SDR42E1: variants seen among roughly 807,000 people sequenced by gnomAD.
SDR42E1 encodes short-chain dehydrogenase/reductase family 42E member 1.
Under a neutral mutation model 2.6 loss-of-function variants are expected in SDR42E1, and 5 were observed. The ratio of observed to expected loss-of-function variants is 1.94; its 90% confidence interval spans 1.01 to 4.08. The LOEUF is 4.08. Ranked by LOEUF, SDR42E1 falls within the 30% of genes most tolerant of loss-of-function variation. The probability of loss-of-function intolerance (pLI) is 0.00; values close to 1 mark genes in which losing one functional copy is unlikely to be tolerated. For missense variants in SDR42E1, 596 were observed against 478.6 expected, an observed-to-expected ratio of 1.25 and a Z score of -2.29; for synonymous variants, 231 against 188.3, an observed-to-expected ratio of 1.23 and a Z score of -1.86.
At position 81,989,350 on chromosome 16, in the gene SDR42E1, T is replaced by C. The variant is rs1162973976; in HGVS notation, c.*9761A>G. On this transcript the variant is annotated 3_prime_UTR_variant, in exon 3 of 3. Coordinates refer to ENST00000328945, the MANE Select transcript of SDR42E1 (RefSeq NM_145168.3). ...ATGAACACCACAGCCCTGTTTTCTA[T>C]ACAAATATATACATATATGAAATTT... The C allele has an allele frequency of 6.6e-6, 1 of 152,238 alleles. No homozygotes were observed. Among genetic ancestry groups the C allele is most frequent in the African/African-American group, 2.4e-5 (1 of 41,464 alleles). The allele number at this position is 152,238 out of a possible 1,614,324, so 9.4% of individuals were successfully genotyped here.
intron 1 of SDR42E1, among the ~76,000 whole-genome samples, chr16:82,010,192 G>A (rs932029975): frequency 1.3e-5 from 2 of 152,200 alleles, no homozygotes; most frequent in Non-Finnish European, 2.9e-5. Flanking sequence ...AATACAGGTA[G>A]TTTAAAGGTT....
chr16:82,005,193 C>T (rs886359255), intron 1 of SDR42E1, among the ~76,000 whole-genome samples: 3 of 152,250 alleles, frequency 2.0e-5, no homozygotes, highest in South Asian at 2.1e-4. Context: ...GGTTCATGTG[C>T]ACATTAATCA....
Position 81,988,893 on chromosome 16 carries a change from G to A in SDR42E1, c.*10218C>T, listed in dbSNP as rs943139101. On this transcript the variant is annotated 3_prime_UTR_variant, in exon 3 of 3. Coordinates refer to ENST00000328945, the MANE Select transcript of SDR42E1 (RefSeq NM_145168.3). ...ATTTTTTATTAATATTTCAATGTTG[G>A]TAGAATACTGCTACATACCCAGAAT... is the stretch of plus-strand genomic sequence containing the variant. 3 of 152,092 alleles carry A rather than the reference G, an allele frequency of 2.0e-5. No individual in the cohort carries two copies. Among genetic ancestry groups the A allele is most frequent in the Non-Finnish European group, 4.4e-5 (3 of 68,008 alleles). 9.4% of individuals were successfully genotyped at this position (152,092 alleles called of 1,614,324 possible).
chr16:81,993,680 C>T lies in SDR42E1; in HGVS notation c.*5431G>A, dbSNP rs547187238. On this transcript the variant is annotated 3_prime_UTR_variant, in exon 3 of 3. Coordinates refer to ENST00000328945, the MANE Select transcript of SDR42E1 (RefSeq NM_145168.3). ...CCACCTGGCTGATAAGTGCATTCAC[C>T]CCGTCAACAAGCATTTATTGGGCAT... The T allele has an allele frequency of 5.9e-5, 9 of 152,122 alleles. No homozygotes were observed. The highest frequency in any genetic ancestry group is 2.2e-4 in the African/African-American group (9 of 41,496). The allele number at this position is 152,122 out of a possible 1,614,324, so 9.4% of individuals were successfully genotyped here.
rs1274550011 is a variant in SDR42E1, at chr16:81,998,001, G to C, written c.*1110C>G. The C allele has an allele frequency of 6.6e-6, 1 of 152,210 alleles. No homozygotes were observed. Among genetic ancestry groups the C allele is most frequent in the East Asian group, 1.9e-4 (1 of 5,204 alleles). The allele number at this position is 152,210 out of a possible 1,614,324, so 9.4% of individuals were successfully genotyped here. A position where few individuals can be genotyped will look rare whatever the true frequency, so the allele number is the denominator to read the frequency against. On this transcript the variant is annotated 3_prime_UTR_variant, in exon 3 of 3. Transcript: ENST00000328945. ...ATGTTCCCATACTATCCTTTCTGTAGCTGGAGCCATGGACAGACATGGACT... is the reference window on the plus strand; with the variant it reads ...ATGTTCCCATACTATCCTTTCTGTACCTGGAGCCATGGACAGACATGGACT...
Position 81,989,786 on chromosome 16 carries a change from T to A in SDR42E1, c.*9325A>T, listed in dbSNP as rs995012363. 6.6e-6 allele frequency: 1 copy of A among 152,034 alleles called. No individual in the cohort carries two copies. Among genetic ancestry groups the A allele is most frequent in the Non-Finnish European group, 1.5e-5 (1 of 68,018 alleles). The allele number at this position is 152,034 out of a possible 1,614,324, so 9.4% of individuals were successfully genotyped here. On this transcript the variant is annotated 3_prime_UTR_variant, in exon 3 of 3. Coordinates refer to ENST00000328945, the MANE Select transcript of SDR42E1 (RefSeq NM_145168.3). ...GCCGAGGTGGGTGGATCACCTGAGC[T>A]CAGGAGTTCGATACCATCACGGCTG...
At position 82,000,689 on chromosome 16, in the gene SDR42E1, C is replaced by G; in HGVS notation, c.68+102G>C. The G allele has an allele frequency of 5.9e-6, 5 of 848,054 alleles. No individual in the cohort carries two copies. The South Asian group carries it at 7.8e-5, about 13-fold the overall frequency. 52.5% of individuals were successfully genotyped at this position (848,054 alleles called of 1,614,324 possible). On this transcript the variant is annotated intron_variant, in intron 2 of 2. Coordinates refer to ENST00000328945, the MANE Select transcript of SDR42E1 (RefSeq NM_145168.3). ...GCAACACAGATCATTTCTGGTTTGACATTACACAAACAAGTAAAAGTCTGC... is the reference window on the plus strand; with the variant it reads ...GCAACACAGATCATTTCTGGTTTGAGATTACACAAACAAGTAAAAGTCTGC...
chr16:81,993,898 A>G lies in SDR42E1; in HGVS notation c.*5213T>C, dbSNP rs1371752170. ...AATTCAAATAAACATGATTCTAGAAAAGGAAATCAATCTCATTTTTTAAGA... is the reference window on the plus strand; with the variant it reads ...AATTCAAATAAACATGATTCTAGAAGAGGAAATCAATCTCATTTTTTAAGA... On this transcript the variant is annotated 3_prime_UTR_variant, in exon 3 of 3. Coordinates refer to ENST00000328945, the MANE Select transcript of SDR42E1 (RefSeq NM_145168.3). The G allele has an allele frequency of 1.3e-5, 2 of 152,196 alleles. No individual in the cohort carries two copies. The highest frequency in any genetic ancestry group is 1.3e-4 in the Admixed American group (2 of 15,276). 9.4% of individuals were successfully genotyped at this position (152,196 alleles called of 1,614,324 possible). A position where few individuals can be genotyped will look rare whatever the true frequency, so the allele number is the denominator to read the frequency against.
Position 82,002,255 on chromosome 16 carries a change from A to G in SDR42E1, c.-26-1371T>C, listed in dbSNP as rs528635808. Among the ~76,000 whole-genome samples the G allele has an allele frequency of 8.3e-4, 126 of 152,268 alleles. 1 individual carries two copies. Among genetic ancestry groups the G allele is most frequent in the African/African-American group, 2.8e-3 (116 of 41,552 alleles). On this transcript the variant is annotated intron_variant, in intron 1 of 2. Coordinates refer to ENST00000328945, the MANE Select transcript of SDR42E1 (RefSeq NM_145168.3). ...GTCAGTGTACATGCACAAAGAAAGA[A>G]AAAATATGGGGGACAGGAATACACA...
intron 1 of SDR42E1, among the ~76,000 whole-genome samples, chr16:82,002,496 G>A (rs566861344): frequency 6.6e-5 from 10 of 152,284 alleles, no homozygotes; most frequent in African/African-American, 2.2e-4. Flanking sequence ...AGTGCTTTAT[G>A]TGTATGTTAG....
intron 1 of SDR42E1, 114 bp downstream of exon 1, chr16:82,011,273 A>G (rs1324543345): frequency 3.3e-5 from 5 of 152,210 alleles, no homozygotes; most frequent in African/African-American, 9.7e-5. Flanking sequence ...CTGCTCAGTC[A>G]TTCACCACCG....
chr16:82,010,789 C>T (rs913621349), intron 1 of SDR42E1, among the ~76,000 whole-genome samples: 2 of 152,160 alleles, frequency 1.3e-5, no homozygotes, highest in African/African-American at 2.4e-5. Flanking sequence ...GTCAGGACCG[C>T]CTGAGGCTGT....
rs1156896915 is a variant in SDR42E1 at position 82,011,428 on chromosome 16, G to A, written c.-68C>T. The A allele has an allele frequency of 6.6e-6, 1 of 152,554 alleles. No homozygotes were observed. Among genetic ancestry groups the A allele is most frequent in the Non-Finnish European group, 1.5e-5 (1 of 68,326 alleles). The allele number at this position is 152,554 out of a possible 1,614,324, so 9.5% of individuals were successfully genotyped here. On this transcript the variant is annotated 5_prime_UTR_variant, in exon 1 of 3. Transcript: ENST00000328945. ...GCGCGGCAGACGGCTACAGCAGGCA[G>A]AGAGGCCCAGGCCTCCTAGCTACCC... is the stretch of plus-strand genomic sequence containing the variant.
chr16:82,002,630 G>A (rs998367377), intron 1 of SDR42E1, among the ~76,000 whole-genome samples: 2 of 152,090 alleles, frequency 1.3e-5, no homozygotes, highest in Non-Finnish European at 2.9e-5. Context: ...CCCGATGGCA[G>A]TTTGGCCCCA....
intron 1 of SDR42E1, among the ~76,000 whole-genome samples, chr16:82,001,901 C>CA (rs60540378): frequency 0.044 from 2,971 of 67,568 alleles, 146 homozygotes; most frequent in African/African-American, 0.11. Context: ...GACTCCATCT[C>CA]AAAAAAAAAA....
chr16:81,997,623 T>G lies in SDR42E1; in HGVS notation c.*1488A>C, dbSNP rs2143839048. On this transcript the variant is annotated 3_prime_UTR_variant, in exon 3 of 3. Transcript: ENST00000328945. ...AGAAAAGACTCCAAACACGTTTTCCTAAAAACAATCACTACCATCACCTCA... is the reference window on the plus strand; with the variant it reads ...AGAAAAGACTCCAAACACGTTTTCCGAAAAACAATCACTACCATCACCTCA... 6.6e-6 allele frequency: 1 copy of G among 152,364 alleles called. No homozygotes were observed. The allele number at this position is 152,364 out of a possible 1,614,324, so 9.4% of individuals were successfully genotyped here. A position where few individuals can be genotyped will look rare whatever the true frequency, so the allele number is the denominator to read the frequency against.
intron 1 of SDR42E1, chr16:82,007,906 T>G (rs1363731106): frequency 3.4e-5 from 5 of 147,144 alleles, no homozygotes; most frequent in Admixed American, 3.3e-4. Flanking sequence ...CTACACTTAT[T>G]ATTTATTATG....
At chr16:82,003,832 C>G (rs2143857469) in intron 1 of SDR42E1, among the ~76,000 whole-genome samples, 1 of 152,190 alleles carries the variant, frequency 6.6e-6, no homozygotes, top group East Asian at 1.9e-4. Context: ...CTGGGGTGTC[C>G]CTACTAGAAT....
chr16:82,007,174 T>C (rs1912967501), intron 1 of SDR42E1, among the ~76,000 whole-genome samples: 1 of 152,226 alleles, frequency 6.6e-6, no homozygotes. Flanking sequence ...TAGCAGATTG[T>C]AGACCCAGTA....
Sources: gnomAD v4.1 joint callset for allele counts (sites outside exome capture counted in the v4.1 genomes callset) on GRCh38, gnomAD v4.1.1 for gene constraint, MANE v1.5 for transcripts, NCBI Gene and HGNC (gene_info 2026-07-23, HGNC 2026-07-21) for gene names.